ERAP2: variants seen among roughly 807,000 people sequenced by gnomAD.
The protein encoded by ERAP2 is leukocyte-derived arginine aminopeptidase.
ERAP2 carries 118 observed loss-of-function variants against 111.1 expected under a neutral mutation model. That is an observed-to-expected ratio of 1.06 (90% CI 0.92 to 1.24). The LOEUF is 1.24. Ranked by LOEUF, ERAP2 falls within the 50% of genes most tolerant of loss-of-function variation. The probability of loss-of-function intolerance (pLI) is 0.00; values close to 1 mark genes in which losing one functional copy is unlikely to be tolerated. For synonymous variants in ERAP2, 410 were observed against 401.2 expected, an observed-to-expected ratio of 1.02 and a Z score of -0.26; for missense variants, 1,131 against 1,125.8, an observed-to-expected ratio of 1.00 and a Z score of -0.07.
intron 1 of ERAP2, among the ~76,000 whole-genome samples, chr5:96,877,722 A>G (rs1782699508): frequency 7.6e-6 from 1 of 131,258 alleles, no homozygotes; most frequent in Non-Finnish European, 1.6e-5. Context: ...CCACATAATA[A>G]GCCACTCCAT....
At position 96,892,431 on chromosome 5, in the gene ERAP2, T is replaced by C; in HGVS notation, c.1103T>C (p.Ile368Thr). The C allele has an allele frequency of 6.2e-7, 1 of 1,613,994 alleles. No individual in the cohort carries two copies. The change falls in exon 6 of 19, where the codon ATA becomes ACA. Residue 368 changes from isoleucine (I) to threonine (T), a missense_variant. Transcript: ENST00000437043. ...GATAAACTGTGGGTCACCAGAGTCA[T>C]AGCCCATGAACTGGCGCACCAGGTA... Reference protein sequence around the residue: ...ASDKLWVTRVIAHELAHQWFG... With the variant: ...ASDKLWVTRVTAHELAHQWFG...
At chr5:96,879,331 A>C (rs1344530390) in intron 1 of ERAP2, among the ~76,000 whole-genome samples, 1 of 152,256 alleles carries the variant, frequency 6.6e-6, no homozygotes, top group Non-Finnish European at 1.5e-5. Flanking sequence ...AGAATTCAGA[A>C]GAAATTCATT....
intron 17 of ERAP2, 59 bp downstream of exon 17, chr5:96,913,516 A>G: frequency 6.4e-7 from 1 of 1,554,986 alleles, no homozygotes; most frequent in East Asian, 2.3e-5. Flanking sequence ...AGTTGCCTCA[A>G]ACCAAGTGTA....
chr5:96,901,599 G>T lies in ERAP2; in HGVS notation c.1666G>T (p.Gly556Trp), dbSNP rs113436741. ...CCCCCTGCTGGTGGTTAAACAAGACGGGTGTTCACTCCGACTGCAACAGGA... is the reference window on the plus strand; with the variant it reads ...CCCCCTGCTGGTGGTTAAACAAGACTGGTGTTCACTCCGACTGCAACAGGA... ...GIPLLVVKQD[G>W]CSLRLQQERF... The change falls in exon 11 of 19, where the codon GGG (glycine) becomes TGG (tryptophan). Residue 556 changes from glycine (G) to tryptophan (W), a missense_variant. Gly to Trp is a radical substitution (Grantham distance 184). Coordinates refer to ENST00000437043, the MANE Select transcript of ERAP2 (RefSeq NM_022350.5). 2 of 1,614,094 alleles carry T rather than the reference G, an allele frequency of 1.2e-6. No homozygotes were observed. The highest frequency in any genetic ancestry group is 1.7e-5 in the Admixed American group (1 of 59,998).
At position 96,896,483 on chromosome 5, in the gene ERAP2, T is replaced by G. The variant is rs1784868371; in HGVS notation, c.1350T>G (p.Phe450Leu). The G allele has an allele frequency of 6.2e-7, 1 of 1,613,318 alleles. No individual in the cohort carries two copies. The highest frequency in any genetic ancestry group is 8.5e-7 in the Non-Finnish European group (1 of 1,179,632). Reference protein sequence around the residue: ...AETPTQIQEMFDEVSYNKGAC... With the variant: ...AETPTQIQEMLDEVSYNKGAC... ...CCCCGACTCAAATACAGGAAATGTT[T>G]GATGAAGTTTCCTATAACAAGGTAG... The change falls in exon 8 of 19, where the codon TTT becomes TTG. Residue 450 changes from phenylalanine to leucine, a missense_variant. This residue lies in a region of ERAP2 where 847 missense variants were observed against 856.5 expected (regional missense o/e 0.99). Coordinates refer to ENST00000437043, the MANE Select transcript of ERAP2 (RefSeq NM_022350.5).
chr5:96,887,341 G>C (rs12655858), intron 4 of ERAP2, among the ~76,000 whole-genome samples: 81,024 of 147,882 alleles, frequency 0.55, 22,272 homozygotes, highest in Admixed American at 0.6. Context: ...CACTCTGTTG[G>C]CCAGGCTGGA....
chr5:96,889,264 A>G lies in ERAP2; in HGVS notation c.929A>G (p.Tyr310Cys). The change falls in exon 5 of 19, where the codon TAT (tyrosine) becomes TGT (cysteine). Residue 310 changes from tyrosine to cysteine, a missense_variant. This residue lies in a region of ERAP2 where 847 missense variants were observed against 856.5 expected (regional missense o/e 0.99). Transcript: ENST00000437043. ...GCATCACTGAAGCTACTTGATTTTT[A>G]TGAAAAGTACTTTGATATCTACTAT... The part of the protein sequence containing the change: ...LQASLKLLDF[Y>C]EKYFDIYYPL... 1 of 1,614,010 alleles carries G rather than the reference A, an allele frequency of 6.2e-7. No homozygotes were observed. The highest frequency in any genetic ancestry group is 8.5e-7 in the Non-Finnish European group (1 of 1,179,864).
chr5:96,901,564 A>G lies in ERAP2; in HGVS notation c.1631A>G (p.Gln544Arg). The change falls in exon 11 of 19, where the codon CAG becomes CGG. Residue 544 changes from glutamine to arginine, a missense_variant. Physicochemically the swap from Gln to Arg is conservative, Grantham distance 43. Transcript: ENST00000437043. ...GAGATGATGACTACATGGACTCTCC[A>G]GAAAGGAATCCCCCTGCTGGTGGTT... is the stretch of plus-strand genomic sequence containing the variant. ...VKEMMTTWTL[Q>R]KGIPLLVVKQ... 6.2e-7 allele frequency: 1 copy of G among 1,614,122 alleles called. No homozygotes were observed. The highest frequency in any genetic ancestry group is 1.1e-5 in the South Asian group (1 of 91,084).
intron 12 of ERAP2, chr5:96,902,771 T>C (rs939697748): frequency 6.3e-6 from 1 of 159,028 alleles, no homozygotes; most frequent in African/African-American, 2.4e-5. Flanking sequence ...ACACTCATCC[T>C]GAGCTTCAAT....
rs1327721101 is a variant in ERAP2 at position 96,912,995 on chromosome 5, A to C, written c.2516+197A>C. Reference sequence around the variant, plus strand: ...CAGGTATTCCCTAGTTATTAATCATATGATTGAGACTAGACAAGCGGTTAT... The same window carrying C: ...CAGGTATTCCCTAGTTATTAATCATCTGATTGAGACTAGACAAGCGGTTAT... On this transcript the variant is annotated intron_variant, in intron 16 of 18. Transcript: ENST00000437043. Among the ~76,000 whole-genome samples, 3 of 152,334 alleles carry C rather than the reference A, an allele frequency of 2.0e-5. No homozygotes were observed. In the East Asian group the frequency reaches 5.8e-4, roughly 29 times the overall value.
chr5:96,898,089 G>A (rs1290448065), intron 9 of ERAP2, among the ~76,000 whole-genome samples: 3 of 152,088 alleles, frequency 2.0e-5, no homozygotes, highest in Non-Finnish European at 2.9e-5. Flanking sequence ...CCAGCTATTC[G>A]TGAGGCTAAG....
At chr5:96,911,911 C>T (rs565316121) in intron 15 of ERAP2, among the ~76,000 whole-genome samples, 2 of 137,612 alleles carry the variant, frequency 1.5e-5, no homozygotes, top group East Asian at 2.1e-4. Context: ...AAAAAATGGC[C>T]GGGCGCGGTG....
chr5:96,912,948 G>A, intron 16 of ERAP2, 150 bp downstream of exon 16: 1 of 648,956 alleles, frequency 1.5e-6, no homozygotes, highest in African/African-American at 1.9e-5. Flanking sequence ...AGAATATATT[G>A]ACAAAATGCA....
intron 13 of ERAP2, among the ~76,000 whole-genome samples, chr5:96,908,042 GTTCT>G (rs1279250278): frequency 6.6e-6 from 1 of 152,146 alleles, no homozygotes; most frequent in African/African-American, 2.4e-5. Flanking sequence ...ACAAAAGTTG[GTTCT>G]TTTTCATTTC....
intron 2 of ERAP2, among the ~76,000 whole-genome samples, chr5:96,882,896 C>G (rs1407353809): frequency 6.6e-6 from 1 of 152,162 alleles, no homozygotes; most frequent in Non-Finnish European, 1.5e-5. Flanking sequence ...TTCTATTCCC[C>G]CCTCCTTTTC....
At chr5:96,876,350 A>T (rs1217336027), upstream of ERAP2, 1 of 152,340 alleles carries the variant, frequency 6.6e-6, no homozygotes, top group Non-Finnish European at 1.5e-5. Context: ...TTCTACAAAA[A>T]GTTTCTTGTC....
rs1005445567 is a variant in ERAP2 at position 96,903,296 on chromosome 5, T to C, written c.1829-81T>C. On this transcript the variant is annotated intron_variant, in intron 12 of 18. Transcript: ENST00000437043. ...ATCTTCCCATTGATTTATAAGTAAT[T>C]TGATTAAAAATAACAGTTCTGGAGA... is the stretch of plus-strand genomic sequence containing the variant. 5.4e-6 allele frequency: 6 copies of C among 1,116,732 alleles called. No individual in the cohort carries two copies. The African/African-American group carries it at 6.3e-5, about 12-fold the overall frequency. 69.2% of individuals were successfully genotyped at this position (1,116,732 alleles called of 1,614,324 possible).
chr5:96,878,977 C>T (rs1467346460), intron 1 of ERAP2, among the ~76,000 whole-genome samples: 1 of 152,002 alleles, frequency 6.6e-6, no homozygotes. Context: ...CAGTGGCTCA[C>T]GCTTGTAATC....
intron 2 of ERAP2, among the ~76,000 whole-genome samples, chr5:96,882,026 T>C (rs552266670): frequency 1.3e-5 from 2 of 152,248 alleles, no homozygotes; most frequent in African/African-American, 2.4e-5. Context: ...TGCTCTTCCC[T>C]TCCCCACTTG....
Sources: gnomAD v4.1 joint callset for allele counts (sites outside exome capture counted in the v4.1 genomes callset) on GRCh38, gnomAD v4.1.1 for gene constraint, gnomAD v4.1.1 regional missense constraint, MANE v1.5 for transcripts, NCBI Gene and HGNC (gene_info 2026-07-23, HGNC 2026-07-21) for gene names.